The following AMMECR1 variants were observed in gnomAD, a reference collection of about 807,000 sequenced individuals.
The protein encoded by AMMECR1 is AMMECR nuclear protein 1.
Under a neutral mutation model 22.5 loss-of-function variants are expected in AMMECR1, and 3 were observed. That is an observed-to-expected ratio of 0.13 (90% CI 0.06 to 0.35). The LOEUF (loss-of-function observed/expected upper bound fraction) is 0.35. Ranked by LOEUF, AMMECR1 falls within the 10% of genes least tolerant of loss-of-function variation. The pLI is 1.00. For synonymous variants in AMMECR1, 130 were observed against 116.7 expected (o/e 1.11, Z -0.74); for missense variants, 235 against 278.7 (o/e 0.84, Z 1.12).
At chrX:110,300,760 C>G (rs947727558) in intron 1 of AMMECR1, among the ~76,000 whole-genome samples, 5 of 112,066 alleles carry the variant, frequency 4.5e-5, no homozygotes, top group African/African-American at 1.6e-4. Context: ...AACTGACATT[C>G]GAAGAAGAGA....
intron 2 of AMMECR1, chrX:110,346,589 T>C (rs2068189978): frequency 2.1e-6 from 1 of 474,649 alleles, no homozygotes; most frequent in Non-Finnish European, 3.8e-6. Flanking sequence ...ATTTTGTATA[T>C]TACAGCACAT....
intron 2 of AMMECR1, among the ~76,000 whole-genome samples, chrX:110,221,279 A>G (rs1013857863): frequency 3.6e-5 from 4 of 112,051 alleles, no homozygotes; most frequent in Non-Finnish European, 7.5e-5. Flanking sequence ...CTTCTGGAAT[A>G]GAATGCATAC....
intron 2 of AMMECR1, among the ~76,000 whole-genome samples, chrX:110,364,791 T>C (rs1231661363): frequency 1.8e-5 from 2 of 112,024 alleles, no homozygotes; most frequent in African/African-American, 6.5e-5. Context: ...GATAGCATAA[T>C]ATTCTAAGTC....
At chrX:110,218,779 G>A (rs960929868) in intron 2 of AMMECR1, among the ~76,000 whole-genome samples, 1 of 110,201 alleles carries the variant, frequency 9.1e-6, no homozygotes. Context: ...AAGAAACTAC[G>A]TACCCAATAG....
chrX:110,225,848 C>A lies in AMMECR1; in HGVS notation c.585-9216G>T, dbSNP rs1258511345. Among the ~76,000 whole-genome samples the A allele has an allele frequency of 3.6e-5, 4 of 111,641 alleles. No homozygotes were observed. The East Asian group carries it at 1.1e-3, about 31-fold the overall frequency. ...GAATGTGCATGCCACCATGAACTCT[C>A]ACCAAATCAAGAAATCTCACACTTT... On this transcript the variant is annotated intron_variant, in intron 2 of 5. Transcript: ENST00000262844.
chrX:110,236,969 T>C (rs373553178), intron 2 of AMMECR1, among the ~76,000 whole-genome samples: 1 of 111,597 alleles, frequency 9.0e-6, no homozygotes, highest in South Asian at 3.8e-4. Context: ...CATAATTCCA[T>C]GATAAAGTTA....
chrX:110,415,455 C>T (rs2068670511), intron 2 of AMMECR1, among the ~76,000 whole-genome samples: 1 of 111,532 alleles, frequency 9.0e-6, no homozygotes, highest in Non-Finnish European at 1.9e-5. Context: ...TTCTTTAGTG[C>T]TGCTTTTGGA....
At chrX:110,306,644 G>A (rs1029116839) in intron 1 of AMMECR1, 5 of 110,668 alleles carry the variant, frequency 4.5e-5, no homozygotes, top group African/African-American at 1.3e-4. Context: ...TTTTAGTAGA[G>A]ACGGGGTTTC....
chrX:110,315,713 T>C (rs990948558), intron 1 of AMMECR1, among the ~76,000 whole-genome samples: 4 of 112,001 alleles, frequency 3.6e-5, no homozygotes, highest in African/African-American at 1.3e-4. Flanking sequence ...TTTGGAGCAA[T>C]GGAGCGTGAA....
chrX:110,354,014 G>T (rs977174422), intron 2 of AMMECR1, among the ~76,000 whole-genome samples: 10 of 112,332 alleles, frequency 8.9e-5, no homozygotes, highest in Admixed American at 9.5e-5. Context: ...GAAATAAATT[G>T]AAGAAAACAC....
intron 2 of AMMECR1, among the ~76,000 whole-genome samples, chrX:110,421,486 T>C (rs891971770): frequency 1.8e-5 from 2 of 112,680 alleles, no homozygotes; most frequent in African/African-American, 6.5e-5. Flanking sequence ...CTAGTTTCAG[T>C]AGGACTTGTG....
chrX:110,384,283 T>C (rs1239411792), intron 2 of AMMECR1, among the ~76,000 whole-genome samples: 5 of 110,738 alleles, frequency 4.5e-5, no homozygotes, highest in Non-Finnish European at 9.4e-5. Flanking sequence ...TATATTATAC[T>C]GAAAAAAGCA....
chrX:110,369,426 C>T (rs756916621), intron 2 of AMMECR1, among the ~76,000 whole-genome samples: 4 of 112,015 alleles, frequency 3.6e-5, no homozygotes, highest in African/African-American at 9.7e-5. Flanking sequence ...TAGGTGTACA[C>T]GATACAAAGT....
chrX:110,249,265 C>T (rs1161539325), intron 2 of AMMECR1, among the ~76,000 whole-genome samples: 1 of 109,621 alleles, frequency 9.1e-6, no homozygotes, highest in East Asian at 2.9e-4. Flanking sequence ...CCAGGGAATA[C>T]CTGTTGAGTC....
intron 2 of AMMECR1, among the ~76,000 whole-genome samples, chrX:110,255,200 A>G (rs1376008196): frequency 8.9e-6 from 1 of 112,242 alleles, no homozygotes; most frequent in African/African-American, 3.2e-5. Flanking sequence ...AGCACGTTTC[A>G]TATGCTGAAA....
At chrX:110,308,293 C>A (rs1435655199) in intron 1 of AMMECR1, among the ~76,000 whole-genome samples, 1 of 111,608 alleles carries the variant, frequency 9.0e-6, no homozygotes, top group African/African-American at 3.3e-5. Context: ...TGCTCAATCT[C>A]CCTTTTCTGC....
intron 2 of AMMECR1, among the ~76,000 whole-genome samples, chrX:110,389,774 G>A (rs1365770818): frequency 2.7e-5 from 3 of 110,465 alleles, no homozygotes; most frequent in Non-Finnish European, 5.7e-5. Context: ...AGGAGGAAAG[G>A]CGGGGCAGGG....
intron 2 of AMMECR1, among the ~76,000 whole-genome samples, chrX:110,235,069 G>A (rs951213684): frequency 2.7e-5 from 3 of 111,954 alleles, no homozygotes; most frequent in African/African-American, 9.7e-5. Context: ...GAAAATTTTT[G>A]CAATCTACTC....
rs1478923433 is a variant in AMMECR1 at position 110,197,637 on chromosome X, T to C, written c.*883A>G. On this transcript the variant is annotated 3_prime_UTR_variant, in exon 6 of 6. Transcript: ENST00000262844. ...AACCCCTCTTAATTCCACTTAATTA[T>C]ATTCTTCTCAAAGGCACTAAATTCT... 8.9e-6 allele frequency: 1 copy of C among 112,182 alleles called. No homozygotes were observed. 9.2% of individuals were successfully genotyped at this position (112,182 alleles called of 1,213,427 possible). A position where few individuals can be genotyped will look rare whatever the true frequency, so the allele number is the denominator to read the frequency against.
Sources: gnomAD v4.1 joint callset for allele counts (sites outside exome capture counted in the v4.1 genomes callset) on GRCh38, gnomAD v4.1.1 for gene constraint, MANE v1.5 for transcripts, NCBI Gene and HGNC (gene_info 2026-07-23, HGNC 2026-07-21) for gene names.